The following ADGRL2 variants were observed in gnomAD, a reference collection of about 807,000 sequenced individuals.
ADGRL2 encodes the protein calcium-independent alpha-latrotoxin receptor 2.
ADGRL2 carries 44 observed loss-of-function variants against 157.4 expected under a neutral mutation model. The observed-to-expected ratio is 0.28, with a 90% CI of 0.22 to 0.36. The LOEUF (loss-of-function observed/expected upper bound fraction) is 0.36, where lower values mean the gene tolerates loss of function less well. Ranked by LOEUF, ADGRL2 falls within the 10% of genes least tolerant of loss-of-function variation. ADGRL2 has a pLI of 1.00. For synonymous variants in ADGRL2, 585 were observed against 624.7 expected, an observed-to-expected ratio of 0.94 and a Z score of 0.95; for missense variants, 1,510 against 1,768.9, an observed-to-expected ratio of 0.85 and a Z score of 2.63.
chr1:81,713,852 T>G lies in ADGRL2; in HGVS notation c.-143+14044T>G, dbSNP rs187407537. Among the ~76,000 whole-genome samples, 244 of 152,328 alleles carry G rather than the reference T, an allele frequency of 1.6e-3. 2 individuals carry two copies. The highest frequency in any genetic ancestry group is 0.013 in the South Asian group (62 of 4,830). ...CTGCCTTGATATTAGGTAGAGATAC[T>G]GTATTAATCTGTTCTCACACTGCTA... On this transcript the variant is annotated intron_variant, in intron 1 of 20. Coordinates refer to the ADGRL2 transcript ENST00000359929.
At chr1:81,621,212 T>C (rs1418240618) in intron 3 of ADGRL2, among the ~76,000 whole-genome samples, 1 of 152,144 alleles carries the variant, frequency 6.6e-6, no homozygotes, top group Non-Finnish European at 1.5e-5. Context: ...AAAGTCTGTC[T>C]TCCTTGCTTT....
chr1:81,929,547 A>G (rs566759908), intron 3 of ADGRL2, among the ~76,000 whole-genome samples: 24 of 152,300 alleles, frequency 1.6e-4, no homozygotes, highest in African/African-American at 5.5e-4. Context: ...TACACATGGA[A>G]TCTCGTCTCC....
At chr1:81,344,418 T>C (rs546433645) in intron 1 of ADGRL2, among the ~76,000 whole-genome samples, 1 of 152,260 alleles carries the variant, frequency 6.6e-6, no homozygotes, top group East Asian at 1.9e-4. Flanking sequence ...GGCTCACACC[T>C]GTAATCTCAG....
At chr1:81,310,139 A>G (rs1286263784) in intron 1 of ADGRL2, among the ~76,000 whole-genome samples, 1 of 152,186 alleles carries the variant, frequency 6.6e-6, no homozygotes, top group Admixed American at 6.5e-5. Flanking sequence ...AAGAAAAGAA[A>G]TGAAGTAGCA....
At chr1:81,611,196 C>T (rs571717627) in intron 3 of ADGRL2, among the ~76,000 whole-genome samples, 6 of 152,234 alleles carry the variant, frequency 3.9e-5, no homozygotes, top group South Asian at 2.1e-4. Context: ...ATATAAAGAC[C>T]GGAAGCCCTA....
At chr1:81,692,070 T>C (rs1177194012) in intron 3 of ADGRL2, among the ~76,000 whole-genome samples, 1 of 151,690 alleles carries the variant, frequency 6.6e-6, no homozygotes, top group Non-Finnish European at 1.5e-5. Context: ...CATTTTCATA[T>C]AGTATACAGA....
intron 2 of ADGRL2, among the ~76,000 whole-genome samples, chr1:81,492,662 T>C (rs1337241787): frequency 6.6e-6 from 1 of 152,182 alleles, no homozygotes; most frequent in Non-Finnish European, 1.5e-5. Flanking sequence ...GAAAAACTAA[T>C]TTCAAGTGAA....
At chr1:81,307,279 G>C (rs1288091332) in intron 1 of ADGRL2, among the ~76,000 whole-genome samples, 1 of 152,194 alleles carries the variant, frequency 6.6e-6, no homozygotes, top group Non-Finnish European at 1.5e-5. Flanking sequence ...ATGCATGTAA[G>C]AGTCTAGCAG....
chr1:81,808,906 T>C (rs945724353), intron 1 of ADGRL2, among the ~76,000 whole-genome samples: 13 of 152,062 alleles, frequency 8.5e-5, no homozygotes, highest in African/African-American at 3.1e-4. Context: ...TTTTAGGTCA[T>C]GAAGTCAACT....
intron 18 of ADGRL2, chr1:81,980,938 G>T: frequency 1.9e-6 from 1 of 530,878 alleles, no homozygotes; most frequent in South Asian, 3.2e-5. Context: ...TAATTATTTT[G>T]AAATATCTAA....
chr1:81,798,084 T>C (rs1279651022), upstream of ADGRL2, among the ~76,000 whole-genome samples: 3 of 152,216 alleles, frequency 2.0e-5, no homozygotes, highest in African/African-American at 4.8e-5. Flanking sequence ...TTGCAGGGAA[T>C]GCGTAACATA....
In ADGRL2 at chr1:81,691,944, A is replaced by T. The variant is rs563003787; in HGVS notation, c.-142-69867A>T. ...TGTATATATATATACACATACAGAT[A>T]TCTATATACACACACACAAAGCCAT... On this transcript the variant is annotated intron_variant, in intron 3 of 24. Coordinates refer to the ADGRL2 transcript ENST00000370721. Among the ~76,000 whole-genome samples, 4 of 148,352 alleles carry T rather than the reference A, an allele frequency of 2.7e-5. No homozygotes were observed. In the South Asian group the frequency reaches 8.6e-4, roughly 32 times the overall value.
chr1:81,444,238 A>T (rs934213804), intron 1 of ADGRL2, among the ~76,000 whole-genome samples: 1 of 152,242 alleles, frequency 6.6e-6, no homozygotes, highest in African/African-American at 2.4e-5. Context: ...ACCTTTCCTT[A>T]TACTTTGGGA....
At chr1:81,693,106 C>T (rs956346048) in intron 3 of ADGRL2, among the ~76,000 whole-genome samples, 1 of 152,170 alleles carries the variant, frequency 6.6e-6, no homozygotes, top group Non-Finnish European at 1.5e-5. Context: ...TTACATTGAA[C>T]TGATGTATGG....
At chr1:81,537,128 T>C (rs1175904688) in intron 2 of ADGRL2, among the ~76,000 whole-genome samples, 1 of 152,208 alleles carries the variant, frequency 6.6e-6, no homozygotes, top group East Asian at 1.9e-4. Context: ...ATACGGAATA[T>C]GTCCACTGTA....
chr1:81,462,130 T>C (rs747213860), intron 2 of ADGRL2, among the ~76,000 whole-genome samples: 24 of 152,042 alleles, frequency 1.6e-4, no homozygotes, highest in Non-Finnish European at 3.4e-4. Flanking sequence ...TCTGTAAAAA[T>C]GGACCAATCA....
intron 3 of ADGRL2, among the ~76,000 whole-genome samples, chr1:81,606,850 C>T (rs1553129639): frequency 1.3e-5 from 2 of 151,854 alleles, no homozygotes; most frequent in Non-Finnish European, 2.9e-5. Flanking sequence ...CATATAAGTA[C>T]TTGACCTCTG....
intron 1 of ADGRL2, among the ~76,000 whole-genome samples, chr1:81,319,037 G>A (rs1374439575): frequency 1.4e-5 from 2 of 139,650 alleles, no homozygotes; most frequent in Non-Finnish European, 3.0e-5. Context: ...CACCTCCCAG[G>A]TTCAAGCGAT....
rs151155864 is a variant in ADGRL2, at chr1:81,569,305, C to T, written c.-247-11571C>T. 2.8e-3 allele frequency among the ~76,000 whole-genome samples: 429 copies of T among 152,236 alleles called. 3 individuals carry two copies. Among genetic ancestry groups the T allele is most frequent in the African/African-American group, 9.7e-3 (401 of 41,536 alleles). ...TTAAGTTACATGATAAATTAATATA[C>T]CCAAGGTCACACATCTAGCAAGTGG... On this transcript the variant is annotated intron_variant, in intron 2 of 24. Coordinates refer to the ADGRL2 transcript ENST00000370721.
Sources: allele counts gnomAD v4.1 joint callset (sites outside exome capture counted in the v4.1 genomes callset), GRCh38; gene constraint gnomAD v4.1.1; transcripts MANE v1.5; gene names NCBI Gene and HGNC (gene_info 2026-07-23, HGNC 2026-07-21).